Variants in CLOCK observed in about 807,000 individuals in gnomAD.
CLOCK encodes clock circadian regulator.
CLOCK carries 43 observed loss-of-function variants against 118.4 expected under a neutral mutation model. The observed-to-expected ratio is 0.36, with a 90% CI of 0.28 to 0.47. The LOEUF is 0.47. Ranked by LOEUF, CLOCK falls within the 20% of genes least tolerant of loss-of-function variation. The pLI, the probability that CLOCK is intolerant of heterozygous loss-of-function variation, is 1.00. For missense variants in CLOCK, 846 were observed against 999.9 expected, an observed-to-expected ratio of 0.85 and a Z score of 2.08; for synonymous variants, 326 against 339.2, an observed-to-expected ratio of 0.96 and a Z score of 0.43.
intron 7 of CLOCK, among the ~76,000 whole-genome samples, chr4:55,474,870 T>C (rs1304179340): frequency 6.6e-6 from 1 of 152,234 alleles, no homozygotes; most frequent in Non-Finnish European, 1.5e-5. Flanking sequence ...ATGTACTTGG[T>C]AGCCCAAGAG....
rs1726483972 is a variant in CLOCK at position 55,475,973 on chromosome 4, A to G, written c.338T>C (p.Leu113Ser). The G allele has an allele frequency of 6.2e-7, 1 of 1,608,706 alleles. No homozygotes were observed. The highest frequency in any genetic ancestry group is 2.2e-5 in the East Asian group (1 of 44,814). The part of the protein sequence containing the change: ...TFLSNEEFTQ[L>S]MLEALDGFFL... ...TAAATCTGGACATACCTCTAACATT[A>G]ATTGTGTAAACTCTTCATTACTAAG... The change falls in exon 7 of 23, where the codon TTA (leucine) becomes TCA (serine). Residue 113 changes from leucine (L) to serine (S), a missense_variant. By Grantham distance (145) the Leu-to-Ser change is moderately radical (BLOSUM62 -2). Around this residue, in one of 4 missense-constraint regions of CLOCK, gnomAD observed 246 missense variants for 300.2 expected, o/e 0.82. Coordinates refer to ENST00000513440, the MANE Select transcript of CLOCK (RefSeq NM_004898.4).
At chr4:55,461,001 G>C (rs1725302214) in intron 9 of CLOCK, among the ~76,000 whole-genome samples, 1 of 150,676 alleles carries the variant, frequency 6.6e-6, no homozygotes, top group African/African-American at 2.4e-5. Context: ...TCAGCTCACT[G>C]CAACCTCTGC....
In CLOCK at chr4:55,482,749, T is replaced by C; in HGVS notation, c.37A>G (p.Ile13Val). 6.2e-7 allele frequency: 1 copy of C among 1,607,902 alleles called. No individual in the cohort carries two copies. Among genetic ancestry groups the C allele is most frequent in the Middle Eastern group, 1.7e-4 (1 of 6,028 alleles). The change falls in exon 4 of 23, where the codon ATT becomes GTT. Residue 13 changes from isoleucine to valine, a missense_variant. Ile to Val is a conservative substitution (Grantham distance 29, BLOSUM62 3). This residue lies in a region of CLOCK where 246 missense variants were observed against 300.2 expected (regional missense o/e 0.82). Transcript: ENST00000513440. ...FTVSCSKMSS[I>V]VDRDDSSIFD... ...TCTTCAAAAACATACCTGTCAACAATCGAGCTCATTTTACTACAGCTTACG... is the reference window on the plus strand; with the variant it reads ...TCTTCAAAAACATACCTGTCAACAACCGAGCTCATTTTACTACAGCTTACG...
chr4:55,525,149 AAGAT>A (rs1203357732), intron 1 of CLOCK, among the ~76,000 whole-genome samples: 9 of 152,204 alleles, frequency 5.9e-5, no homozygotes, highest in African/African-American at 1.4e-4. Context: ...TAACCAATGA[AAGAT>A]AGAATGAGTT....
rs1235847414 is a variant in CLOCK at position 55,435,385 on chromosome 4, C to T, written c.*30G>A. The T allele has an allele frequency of 6.2e-7, 1 of 1,613,432 alleles. No individual in the cohort carries two copies. The highest frequency in any genetic ancestry group is 1.7e-5 in the Admixed American group (1 of 59,990). On this transcript the variant is annotated 3_prime_UTR_variant, in exon 23 of 23. Coordinates refer to ENST00000513440, the MANE Select transcript of CLOCK (RefSeq NM_004898.4). ...ACTCTTAATGGGCCATCCCCTTCCT[C>T]CCTTGATGTCAAGAGAGGAAGCACG... is the stretch of plus-strand genomic sequence containing the variant.
chr4:55,519,617 A>G (rs1374736995), intron 1 of CLOCK, among the ~76,000 whole-genome samples: 1 of 151,952 alleles, frequency 6.6e-6, no homozygotes, highest in Non-Finnish European at 1.5e-5. Context: ...TGAAAATACA[A>G]AAATACAAAA....
chr4:55,543,549 G>A (rs969979876), intron 1 of CLOCK, among the ~76,000 whole-genome samples: 1 of 152,150 alleles, frequency 6.6e-6, no homozygotes, highest in African/African-American at 2.4e-5. Context: ...GATTCCTCTG[G>A]GGAGGAATGT....
chr4:55,469,739 G>T (rs1033736708), intron 8 of CLOCK, among the ~76,000 whole-genome samples: 1 of 152,004 alleles, frequency 6.6e-6, no homozygotes, highest in Non-Finnish European at 1.5e-5. Flanking sequence ...GCAGGGTCTT[G>T]CTCTGTCACC....
At position 55,431,096 on chromosome 4, in the gene CLOCK, T is replaced by C. The variant is rs1722471134; in HGVS notation, c.*4319A>G. The C allele has an allele frequency of 6.6e-6, 1 of 152,218 alleles. No homozygotes were observed. The highest frequency in any genetic ancestry group is 6.5e-5 in the Admixed American group (1 of 15,280). The allele number at this position is 152,218 out of a possible 1,614,324, so 9.4% of individuals were successfully genotyped here. ...GAATAAACTTTATCAAAATGAGTAA[T>C]TGCAATAAAGTGCTTGTTACATTTC... On this transcript the variant is annotated 3_prime_UTR_variant, in exon 23 of 23. Transcript: ENST00000513440.
chr4:55,482,910 T>C lies in CLOCK; in HGVS notation c.-43-82A>G, dbSNP rs1357527451. ...AACTTATCTTGAGAAATACTATATG[T>C]TATCACAGAGACTTCAAAACGTTTT... is the stretch of plus-strand genomic sequence containing the variant. On this transcript the variant is annotated intron_variant, in intron 3 of 22. Transcript: ENST00000513440. 1.3e-5 allele frequency: 8 copies of C among 635,872 alleles called. No homozygotes were observed. In the East Asian group the frequency reaches 2.0e-4, roughly 16 times the overall value. 39.4% of individuals were successfully genotyped at this position (635,872 alleles called of 1,614,324 possible).
intron 9 of CLOCK, among the ~76,000 whole-genome samples, 197 bp downstream of exon 9, chr4:55,463,488 A>T (rs1478579994): frequency 6.6e-6 from 1 of 152,108 alleles, no homozygotes; most frequent in Non-Finnish European, 1.5e-5. Flanking sequence ...TGGGATTTCA[A>T]TATACACTGA....
chr4:55,503,917 A>G (rs1003720552), intron 2 of CLOCK, among the ~76,000 whole-genome samples: 2 of 142,764 alleles, frequency 1.4e-5, no homozygotes, highest in African/African-American at 5.1e-5. Context: ...ATAAACAATC[A>G]ATTTTTCTTT....
chr4:55,472,996 T>G (rs995705077), intron 7 of CLOCK, among the ~76,000 whole-genome samples: 12 of 152,118 alleles, frequency 7.9e-5, no homozygotes, highest in African/African-American at 2.9e-4. Flanking sequence ...GAGGCCAAGG[T>G]TGGTGGATCA....
intron 1 of CLOCK, among the ~76,000 whole-genome samples, chr4:55,545,149 T>C (rs1039603119): frequency 6.6e-6 from 1 of 152,044 alleles, no homozygotes; most frequent in Admixed American, 6.6e-5. Context: ...TGTGCCACGC[T>C]GGTGTGCTGC....
At chr4:55,472,684 C>T (rs961552091) in intron 7 of CLOCK, among the ~76,000 whole-genome samples, 1 of 152,020 alleles carries the variant, frequency 6.6e-6, no homozygotes, top group South Asian at 2.1e-4. Flanking sequence ...GTAACCTTTC[C>T]TAACTCTATG....
intron 1 of CLOCK, among the ~76,000 whole-genome samples, chr4:55,514,395 C>CA (rs1313794134): frequency 6.6e-6 from 1 of 152,086 alleles, no homozygotes; most frequent in Non-Finnish European, 1.5e-5. Flanking sequence ...AAGCACAATT[C>CA]ACATACTATA....
intron 2 of CLOCK, among the ~76,000 whole-genome samples, chr4:55,506,392 T>C (rs1214210685): frequency 1.3e-5 from 2 of 151,938 alleles, no homozygotes; most frequent in Non-Finnish European, 2.9e-5. Context: ...CATGGTATCC[T>C]GCAAGATAAG....
At chr4:55,532,722 T>G (rs1476176061) in intron 1 of CLOCK, among the ~76,000 whole-genome samples, 1 of 151,924 alleles carries the variant, frequency 6.6e-6, no homozygotes, top group Non-Finnish European at 1.5e-5. Context: ...AAGCATATAC[T>G]TTTAGTCCCA....
chr4:55,478,716 C>T, intron 6 of CLOCK, 99 bp downstream of exon 6: 1 of 1,193,182 alleles, frequency 8.4e-7, no homozygotes, highest in South Asian at 1.3e-5. Flanking sequence ...ATTTCTCTCT[C>T]TTAAAAAAGC....
Sources: gnomAD v4.1 joint callset for allele counts (sites outside exome capture counted in the v4.1 genomes callset) on GRCh38, gnomAD v4.1.1 for gene constraint, gnomAD v4.1.1 regional missense constraint, MANE v1.5 for transcripts, NCBI Gene and HGNC (gene_info 2026-07-23, HGNC 2026-07-21) for gene names.